ACTN1: variants seen among roughly 807,000 people sequenced by gnomAD.
ACTN1 encodes actinin alpha 1, also known as alpha-actinin-1.
In ACTN1, 30 loss-of-function variants were observed where a neutral mutation model predicts 119.6. That is an observed-to-expected ratio of 0.25 (90% CI 0.19 to 0.34). ACTN1 has a LOEUF of 0.34. Among genes scored for constraint, ACTN1 ranks in the 10% least tolerant of loss-of-function variants. The pLI is 1.00. For missense variants in ACTN1, 764 were observed against 1,223.4 expected, an observed-to-expected ratio of 0.62 and a Z score of 5.60; for synonymous variants, 429 against 472.6, an observed-to-expected ratio of 0.91 and a Z score of 1.20.
At chr14:68,888,304 G>A in intron 11 of ACTN1, 1 of 298,548 alleles carries the variant, frequency 3.3e-6, no homozygotes, top group Non-Finnish European at 6.5e-6. Context: ...CAGCATGCCA[G>A]CACTTCTCAT....
At chr14:68,971,597 T>G (rs1326409420) in intron 1 of ACTN1, among the ~76,000 whole-genome samples, 1 of 152,230 alleles carries the variant, frequency 6.6e-6, no homozygotes, top group Non-Finnish European at 1.5e-5. Context: ...GATCTTCATC[T>G]ATGAAGTGTC....
At chr14:68,889,258 G>A (rs990462168) in intron 11 of ACTN1, among the ~76,000 whole-genome samples, 1 of 152,198 alleles carries the variant, frequency 6.6e-6, no homozygotes, top group Non-Finnish European at 1.5e-5. Context: ...TGGAGCAACA[G>A]GGACACACAT....
At chr14:68,946,995 G>T (rs1336590338) in intron 1 of ACTN1, among the ~76,000 whole-genome samples, 1 of 152,184 alleles carries the variant, frequency 6.6e-6, no homozygotes, top group African/African-American at 2.4e-5. Context: ...TTTCCAAGGG[G>T]CCATACTTGT....
Position 68,878,470 on chromosome 14 carries a change from C to A in ACTN1, c.2415G>T (p.Met805Ile), listed in dbSNP as rs1196262183. 1.9e-6 allele frequency: 3 copies of A among 1,566,396 alleles called. No individual in the cohort carries two copies. The South Asian group carries it at 3.6e-5, about 19-fold the overall frequency. ...TDDFRACLIS[M>I]GYNMGEAEFA... ...GGGTTTACGTTACCATGTTGTAACC[C>A]ATGGAGATCAGGCAGGCGCGGAAAT... The change falls in exon 20 of 22, where the codon ATG becomes ATT. Residue 805 changes from methionine (M) to isoleucine (I), a missense_variant. Physicochemically the swap from Met to Ile is conservative, Grantham distance 10. This residue lies in a region of ACTN1 where 544 missense variants were observed against 912.0 expected (regional missense o/e 0.60). Transcript: ENST00000394419. The surrounding 1 kb of genome is among the most constrained non-coding windows in gnomAD (Gnocchi z 4.4).
At chr14:68,889,055 C>T (rs1287468214) in intron 11 of ACTN1, among the ~76,000 whole-genome samples, 3 of 152,198 alleles carry the variant, frequency 2.0e-5, no homozygotes, top group African/African-American at 7.2e-5. Context: ...TGAGCTCCGC[C>T]GGCCAATAGG....
chr14:68,878,793 T>C lies in ACTN1; in HGVS notation c.2361+196A>G. 8 of 1,576,396 alleles carry C rather than the reference T, an allele frequency of 5.1e-6. No individual in the cohort carries two copies. The highest frequency in any genetic ancestry group is 6.8e-6 in the Non-Finnish European group (8 of 1,169,514). ...AGGACGGAAGACAGCGGGCACCCAG[T>C]AGGTTGCCATGAAAGACAGCAGAGG... On this transcript the variant is annotated intron_variant, in intron 19 of 21. Transcript: ENST00000394419. This position sits in a 1 kb window ranked among gnomAD's most constrained non-coding sequence, Gnocchi z 4.4.
rs760997847 is a variant in ACTN1, at chr14:68,878,403, C to T, written c.2427+55G>A. On this transcript the variant is annotated intron_variant, in intron 20 of 21. Transcript: ENST00000394419. This position sits in a 1 kb window ranked among gnomAD's most constrained non-coding sequence, Gnocchi z 4.4. Reference sequence around the variant, plus strand: ...CTGCCACTCCTGGGACTTGGCTGCTCCCGCCAGCTGGCTGCCTTCTCACCA... The same window carrying T: ...CTGCCACTCCTGGGACTTGGCTGCTTCCGCCAGCTGGCTGCCTTCTCACCA... 1.4e-5 allele frequency: 22 copies of T among 1,518,660 alleles called. No homozygotes were observed. The highest frequency in any genetic ancestry group is 4.2e-5 in the African/African-American group (3 of 71,774). 94.1% of individuals were successfully genotyped at this position (1,518,660 alleles called of 1,614,324 possible).
chr14:68,945,174 A>G (rs1363562526), intron 1 of ACTN1, among the ~76,000 whole-genome samples: 1 of 150,664 alleles, frequency 6.6e-6, no homozygotes. Context: ...AAAAAAAAAA[A>G]AAAGAAAGAA....
intron 6 of ACTN1, among the ~76,000 whole-genome samples, chr14:68,908,920 G>T (rs1361994914): frequency 2.6e-5 from 4 of 152,236 alleles, no homozygotes; most frequent in African/African-American, 9.6e-5. Context: ...CCGCACAGCA[G>T]GTCAAAGGAC....
chr14:68,978,831 G>T, intron 1 of ACTN1, 121 bp downstream of exon 1: 1 of 585,704 alleles, frequency 1.7e-6, no homozygotes, highest in Non-Finnish European at 2.7e-6. Context: ...CACCGCCCCC[G>T]CCCCCTCCCG....
At position 68,887,851 on chromosome 14, in the gene ACTN1, C is replaced by A; in HGVS notation, c.1235-2276G>T. 3.6e-6 allele frequency: 3 copies of A among 838,144 alleles called. No individual in the cohort carries two copies. The East Asian group carries it at 7.3e-5, about 21-fold the overall frequency. 51.9% of individuals were successfully genotyped at this position (838,144 alleles called of 1,614,324 possible). On this transcript the variant is annotated intron_variant, in intron 11 of 21. Transcript: ENST00000394419. ...CTGGACTCTCCTCACTTTTCATTTC[C>A]CCGTTTTCTGCAGGTAAATCTTTAG...
At chr14:68,948,034 C>T (rs1473009974) in intron 1 of ACTN1, among the ~76,000 whole-genome samples, 2 of 152,218 alleles carry the variant, frequency 1.3e-5, no homozygotes, top group Non-Finnish European at 2.9e-5. Context: ...GAAGCAGTTT[C>T]CTTCTGCAGG....
At chr14:68,947,517 T>G (rs563043863) in intron 1 of ACTN1, 37 of 152,372 alleles carry the variant, frequency 2.4e-4, no homozygotes, top group African/African-American at 8.7e-4. Flanking sequence ...CAGCAGAGCT[T>G]GCCTCCACAC....
chr14:68,880,252 G>A lies in ACTN1; in HGVS notation c.2134-144C>T, dbSNP rs1372125013. On this transcript the variant is annotated intron_variant, in intron 17 of 21. Coordinates refer to ENST00000394419, the MANE Select transcript of ACTN1 (RefSeq NM_001130004.2). The surrounding 1 kb of genome is among the most constrained non-coding windows in gnomAD (Gnocchi z 4.6). ...TGTGGCTGAGTGTCACCAGAGGAAG[G>A]GGAACCAGGACAAGGACAACCTACT... is the stretch of plus-strand genomic sequence containing the variant. The A allele has an allele frequency of 2.9e-6, 3 of 1,020,000 alleles. No homozygotes were observed. Among genetic ancestry groups the A allele is most frequent in the African/African-American group, 3.2e-5 (2 of 61,762 alleles). 63.2% of individuals were successfully genotyped at this position (1,020,000 alleles called of 1,614,324 possible). A position where few individuals can be genotyped will look rare whatever the true frequency, so the allele number is the denominator to read the frequency against.
rs530039038 is a variant in ACTN1, at chr14:68,979,146, T to C, written c.-90A>G. 1 of 412,012 alleles carries C rather than the reference T, an allele frequency of 2.4e-6. No homozygotes were observed. The highest frequency in any genetic ancestry group is 4.3e-6 in the Non-Finnish European group (1 of 231,476). The allele number at this position is 412,012 out of a possible 1,614,324, so 25.5% of individuals were successfully genotyped here. A position where few individuals can be genotyped will look rare whatever the true frequency, so the allele number is the denominator to read the frequency against. ...CCCTGGCGTGGGGAGGGAGTAGGGC[T>C]GGGCTGGGCTGGGCTGGCGGGGCCG... On this transcript the variant is annotated 5_prime_UTR_variant, in exon 1 of 22. Transcript: ENST00000394419.
Position 68,912,202 on chromosome 14 carries a change from G to T in ACTN1, c.381C>A (p.Ile127=), listed in dbSNP as rs369505532. The T allele has an allele frequency of 5.2e-5, 84 of 1,614,100 alleles. No homozygotes were observed. The highest frequency in any genetic ancestry group is 2.8e-4 in the African/African-American group (21 of 75,012). The change falls in exon 4 of 22, where the codon ATC becomes ATA. Residue 127 remains isoleucine (I), a synonymous_variant. Transcript: ENST00000394419. The part of the protein sequence containing the change: ...DGNVKMTLGM[I]WTIILRFAIQ... ...TGGCAAAGCGCAGGATGATGGTCCA[G>T]ATCATGCCCAGGGTCATCTTCACAT...
At chr14:68,917,328 C>A (rs971957976) in intron 3 of ACTN1, among the ~76,000 whole-genome samples, 3 of 152,216 alleles carry the variant, frequency 2.0e-5, no homozygotes, top group Non-Finnish European at 4.4e-5. Context: ...GTCCACCTAC[C>A]TACAGGGTAC....
intron 8 of ACTN1, among the ~76,000 whole-genome samples, chr14:68,899,380 A>ACC (rs139481779): frequency 0.23 from 32,406 of 142,060 alleles, 4,052 homozygotes; most frequent in African/African-American, 0.32. Flanking sequence ...CACCCCATAC[A>ACC]CCTCATACAC....
chr14:68,902,231 G>C (rs930780548), intron 8 of ACTN1, among the ~76,000 whole-genome samples: 1 of 152,174 alleles, frequency 6.6e-6, no homozygotes, highest in Admixed American at 6.5e-5. Flanking sequence ...CAGTCATCTG[G>C]GTCCCAGAAA....
Sources: allele counts gnomAD v4.1 joint callset (sites outside exome capture counted in the v4.1 genomes callset), GRCh38; gene constraint gnomAD v4.1.1; regional missense constraint gnomAD v4.1.1; non-coding constraint Gnocchi (gnomAD v3.1); transcripts MANE v1.5; gene names NCBI Gene and HGNC (gene_info 2026-07-23, HGNC 2026-07-21).